EPHA5: variants seen among roughly 807,000 people sequenced by gnomAD.
EPHA5 encodes EPH receptor A5.
A neutral mutation model predicts 105.0 loss-of-function variants in EPHA5; 60 were observed. The observed-to-expected ratio is 0.57, with a 90% CI of 0.46 to 0.71. EPHA5 has a LOEUF of 0.71. EPHA5 is among the 30% of genes least tolerant of loss of function. EPHA5 has a pLI of 0.00. For missense variants in EPHA5, 1,218 were observed against 1,274.7 expected, an observed-to-expected ratio of 0.96 and a Z score of 0.68; for synonymous variants, 513 against 449.1, an observed-to-expected ratio of 1.14 and a Z score of -1.80.
chr4:65,509,143 A>G lies in EPHA5; in HGVS notation c.911-13600T>C, dbSNP rs556430723. 3.3e-5 allele frequency among the ~76,000 whole-genome samples: 5 copies of G among 152,272 alleles called. No individual in the cohort carries two copies. The East Asian group carries it at 7.7e-4, about 23-fold the overall frequency. On this transcript the variant is annotated intron_variant, in intron 3 of 16. Coordinates refer to ENST00000613740, the MANE Select transcript of EPHA5 (RefSeq NM_001281766.3). Reference sequence around the variant, plus strand: ...GTGCAAGTGTCCTACTGGGTCTTAAATTAAACAATTTCAGGTGTCAACATT... The same window carrying G: ...GTGCAAGTGTCCTACTGGGTCTTAAGTTAAACAATTTCAGGTGTCAACATT...
intron 3 of EPHA5, among the ~76,000 whole-genome samples, chr4:65,597,584 G>C (rs1743314793): frequency 6.6e-6 from 1 of 151,970 alleles, no homozygotes; most frequent in Admixed American, 6.6e-5. Context: ...ATTTATTTCT[G>C]AAAATAAAAA....
chr4:65,657,516 T>G (rs1749179228), intron 1 of EPHA5, among the ~76,000 whole-genome samples: 1 of 152,128 alleles, frequency 6.6e-6, no homozygotes, highest in African/African-American at 2.4e-5. Context: ...GTCTAGCAAA[T>G]CTAAAATACA....
intron 3 of EPHA5, among the ~76,000 whole-genome samples, chr4:65,583,522 A>G (rs1475617621): frequency 6.6e-6 from 1 of 151,812 alleles, no homozygotes; most frequent in Non-Finnish European, 1.5e-5. Flanking sequence ...ACAATAGTTT[A>G]TCAAGGTTTT....
At chr4:65,369,910 T>G (rs914756252) in intron 8 of EPHA5, among the ~76,000 whole-genome samples, 9 of 152,152 alleles carry the variant, frequency 5.9e-5, no homozygotes, top group Non-Finnish European at 1.0e-4. Flanking sequence ...GAGGTTGCAG[T>G]GAGCCAAGAT....
In EPHA5 at chr4:65,670,443, TG is replaced by T. The variant is rs1221595394; in HGVS notation, c.-702del. 3 of 233,120 alleles carry T rather than the reference TG, an allele frequency of 1.3e-5. No individual in the cohort carries two copies. The highest frequency in any genetic ancestry group is 6.6e-5 in the African/African-American group (3 of 45,348). 14.4% of individuals were successfully genotyped at this position (233,120 alleles called of 1,614,324 possible). A position where few individuals can be genotyped will look rare whatever the true frequency, so the allele number is the denominator to read the frequency against. On this transcript the variant is annotated 5_prime_UTR_variant, in exon 1 of 17. Coordinates refer to ENST00000613740, the MANE Select transcript of EPHA5 (RefSeq NM_001281766.3). The stretch of plus-strand genomic sequence containing the variant: ...GGGGAGCAGGCGGTGTGTGCGCGGC[TG>T]CGAAGTCGAGGTTGAAACTGCACCG...
intron 3 of EPHA5, among the ~76,000 whole-genome samples, chr4:65,550,333 C>T (rs941782860): frequency 6.6e-6 from 1 of 151,884 alleles, no homozygotes; most frequent in Admixed American, 6.6e-5. Context: ...TATGTTGAAC[C>T]ATTACAAATA....
intron 2 of EPHA5, among the ~76,000 whole-genome samples, chr4:65,607,496 A>G (rs1371384417): frequency 4.9e-5 from 2 of 41,104 alleles, no homozygotes; most frequent in Non-Finnish European, 1.7e-4. Flanking sequence ...ACAAACAAAA[A>G]AAAAAACATC....
intron 5 of EPHA5, among the ~76,000 whole-genome samples, chr4:65,430,628 C>T (rs1009479426): frequency 6.6e-6 from 1 of 152,110 alleles, no homozygotes; most frequent in Non-Finnish European, 1.5e-5. Flanking sequence ...AAACTATTAT[C>T]GTCCCTTTTT....
intron 3 of EPHA5, among the ~76,000 whole-genome samples, chr4:65,566,840 T>C (rs763375727): frequency 3.3e-5 from 5 of 151,826 alleles, no homozygotes; most frequent in Non-Finnish European, 5.9e-5. Context: ...ATGGTTGTTT[T>C]GGTACATTGA....
intron 2 of EPHA5, among the ~76,000 whole-genome samples, chr4:65,635,014 G>T (rs1578645669): frequency 6.6e-6 from 1 of 151,960 alleles, no homozygotes. Flanking sequence ...GTCAAAATCT[G>T]AGTACCAGAA....
chr4:65,476,020 A>G (rs1729761294), intron 5 of EPHA5, among the ~76,000 whole-genome samples: 1 of 152,062 alleles, frequency 6.6e-6, no homozygotes, highest in African/African-American at 2.4e-5. Context: ...GAAAAGAGAT[A>G]GAAAATAAAT....
chr4:65,343,297 C>A (rs767287949), intron 14 of EPHA5, among the ~76,000 whole-genome samples: 2 of 152,100 alleles, frequency 1.3e-5, no homozygotes, highest in Non-Finnish European at 2.9e-5. Context: ...TACCTAAAAT[C>A]TCCTTAGTTG....
At chr4:65,451,378 T>C (rs1290957754) in intron 5 of EPHA5, among the ~76,000 whole-genome samples, 3 of 152,172 alleles carry the variant, frequency 2.0e-5, no homozygotes, top group African/African-American at 2.4e-5. Flanking sequence ...TTTTACCACA[T>C]TTTACAATCC....
chr4:65,574,254 C>T, intron 3 of EPHA5: 4 of 1,594,494 alleles, frequency 2.5e-6, no homozygotes, highest in Non-Finnish European at 3.4e-6. Flanking sequence ...CAAAGCTATT[C>T]CTCAGCTCCA....
At chr4:65,357,224 A>G in intron 11 of EPHA5, among the ~76,000 whole-genome samples, 1 of 151,458 alleles carries the variant, frequency 6.6e-6, no homozygotes, top group East Asian at 1.9e-4. Flanking sequence ...ATTATAATAG[A>G]CTTTTTCAGA....
intron 7 of EPHA5, among the ~76,000 whole-genome samples, chr4:65,408,104 G>T (rs925509544): frequency 6.6e-6 from 1 of 151,918 alleles, no homozygotes. Context: ...CAAGATTTTT[G>T]AATTGTTTAT....
chr4:65,441,953 C>CAAA, intron 5 of EPHA5, among the ~76,000 whole-genome samples: 1 of 152,018 alleles, frequency 6.6e-6, no homozygotes, highest in African/African-American at 2.4e-5. Context: ...CAGTACTATG[C>CAAA]CAGGTGTTTG....
chr4:65,457,341 A>T (rs1285111944), intron 5 of EPHA5, among the ~76,000 whole-genome samples: 1 of 152,176 alleles, frequency 6.6e-6, no homozygotes. Context: ...GAGACACTAT[A>T]CCTACATCAT....
chr4:65,466,960 A>T (rs754441641), intron 5 of EPHA5, among the ~76,000 whole-genome samples: 2 of 152,176 alleles, frequency 1.3e-5, no homozygotes, highest in Non-Finnish European at 2.9e-5. Flanking sequence ...GTCCCACATG[A>T]ATTTCCCACA....
Sources: gnomAD v4.1 joint callset for allele counts (sites outside exome capture counted in the v4.1 genomes callset) on GRCh38, gnomAD v4.1.1 for gene constraint, MANE v1.5 for transcripts, NCBI Gene and HGNC (gene_info 2026-07-23, HGNC 2026-07-21) for gene names.